The following SLC44A5 variants were observed in gnomAD, a reference collection of about 807,000 sequenced individuals.
SLC44A5 encodes the protein solute carrier family 44 member 5, also known as choline transporter-like protein 5.
SLC44A5 carries 57 observed loss-of-function variants against 101.8 expected under a neutral mutation model. The observed-to-expected ratio is 0.56, with a 90% CI of 0.45 to 0.70. The LOEUF is 0.70. Ranked by LOEUF, SLC44A5 falls within the 30% of genes least tolerant of loss-of-function variation. SLC44A5 has a pLI of 0.00. For missense variants in SLC44A5, 737 were observed against 853.1 expected, an observed-to-expected ratio of 0.86 and a Z score of 1.70; for synonymous variants, 281 against 290.9, an observed-to-expected ratio of 0.97 and a Z score of 0.35.
chr1:75,677,361 C>T, the SLC44A5 span, among the ~76,000 whole-genome samples: 1 of 152,112 alleles, frequency 6.6e-6, no homozygotes, highest in Non-Finnish European at 1.5e-5. Context: ...TTTGTTTTCT[C>T]TTTGCTTGTT....
the SLC44A5 span, among the ~76,000 whole-genome samples, chr1:75,679,277 C>G: frequency 1.3e-5 from 2 of 152,120 alleles, no homozygotes; most frequent in African/African-American, 4.8e-5. Flanking sequence ...CAAAGATACT[C>G]CTCGAGAAGA....
rs1313873082 is a variant in SLC44A5, at chr1:75,503,534, T to C, written c.13+37901A>G. Among the ~76,000 whole-genome samples the C allele has an allele frequency of 3.3e-5, 5 of 152,182 alleles. No homozygotes were observed. In the East Asian group the frequency reaches 7.7e-4, roughly 23 times the overall value. ...GAGGCGTCCCCAGTCATGCCTCCTA[T>C]ACAGCCTGTGGAACTATGTGTCAAT... is the stretch of plus-strand genomic sequence containing the variant. On this transcript the variant is annotated intron_variant, in intron 2 of 23. Transcript: ENST00000370859.
At chr1:75,269,737 T>G (rs976790150) in intron 6 of SLC44A5, among the ~76,000 whole-genome samples, 4 of 152,196 alleles carry the variant, frequency 2.6e-5, no homozygotes, top group Non-Finnish European at 4.4e-5. Flanking sequence ...TTCTGTCTGG[T>G]TTTATGATAG....
At chr1:75,467,889 A>C (rs1666908017) in intron 2 of SLC44A5, among the ~76,000 whole-genome samples, 1 of 147,988 alleles carries the variant, frequency 6.8e-6, no homozygotes, top group South Asian at 2.2e-4. Context: ...CAAAGTGAAG[A>C]GACAACTCAC....
chr1:75,665,363 C>T, the SLC44A5 span, among the ~76,000 whole-genome samples: 1 of 152,012 alleles, frequency 6.6e-6, no homozygotes, highest in Non-Finnish European at 1.5e-5. Flanking sequence ...AAAGAACTCT[C>T]TATTCAATAA....
At position 75,540,295 on chromosome 1, in the gene SLC44A5, A is replaced by T. The variant is rs560210403; in HGVS notation, c.13+1140T>A. Among the ~76,000 whole-genome samples, 136 of 152,304 alleles carry T rather than the reference A, an allele frequency of 8.9e-4. No homozygotes were observed. The Middle Eastern group carries it at 0.01, about 11-fold the overall frequency. Reference sequence around the variant, plus strand: ...GCAAACAAATCTAAAATTCTAAAACAATCTGCTATAGGCGAGAGTATGTTA... The same window carrying T: ...GCAAACAAATCTAAAATTCTAAAACTATCTGCTATAGGCGAGAGTATGTTA... On this transcript the variant is annotated intron_variant, in intron 2 of 23. Transcript: ENST00000370859.
intron 3 of SLC44A5, among the ~76,000 whole-genome samples, chr1:75,386,653 C>T (rs1661373785): frequency 6.6e-6 from 1 of 152,192 alleles, no homozygotes; most frequent in East Asian, 1.9e-4. Flanking sequence ...TTTACAGATT[C>T]AATGCCATCC....
chr1:75,251,842 C>T (rs543410177), intron 6 of SLC44A5, among the ~76,000 whole-genome samples: 8 of 152,076 alleles, frequency 5.3e-5, no homozygotes, highest in Non-Finnish European at 1.2e-4. Context: ...AAAATTATAG[C>T]CAGTGGCAGA....
chr1:75,239,436 A>G (rs1000757244), intron 9 of SLC44A5, among the ~76,000 whole-genome samples: 2 of 149,358 alleles, frequency 1.3e-5, no homozygotes, highest in Non-Finnish European at 2.9e-5. Flanking sequence ...ACTGAATTGC[A>G]CAGTTTCATA....
chr1:75,579,499 T>C (rs1447098511), intron 1 of SLC44A5, among the ~76,000 whole-genome samples: 4 of 151,948 alleles, frequency 2.6e-5, no homozygotes, highest in Admixed American at 6.6e-5. Flanking sequence ...GAATAAGTTA[T>C]AGGTCCCTAA....
At chr1:75,471,909 A>T (rs1202010052) in intron 2 of SLC44A5, among the ~76,000 whole-genome samples, 1 of 151,698 alleles carries the variant, frequency 6.6e-6, no homozygotes, top group Non-Finnish European at 1.5e-5. Context: ...TTATAATGCC[A>T]CTTCCTGGTT....
At chr1:75,545,264 A>G (rs1441696535) in intron 1 of SLC44A5, among the ~76,000 whole-genome samples, 4 of 152,102 alleles carry the variant, frequency 2.6e-5, no homozygotes, top group Non-Finnish European at 5.9e-5. Context: ...TCGTTGATAG[A>G]CATTTGGGTT....
At chr1:75,555,398 C>A (rs528857512) in intron 1 of SLC44A5, among the ~76,000 whole-genome samples, 42 of 152,020 alleles carry the variant, frequency 2.8e-4, no homozygotes, top group African/African-American at 9.6e-4. Context: ...GACCTGTACA[C>A]TTTGAATATG....
At chr1:75,280,133 T>C (rs1652290933) in intron 5 of SLC44A5, among the ~76,000 whole-genome samples, 1 of 95,518 alleles carries the variant, frequency 1.0e-5, no homozygotes, top group Admixed American at 1.8e-4. Flanking sequence ...TGTGTGTGTG[T>C]ATATATATAT....
chr1:75,524,958 T>C (rs1466144819), intron 2 of SLC44A5, among the ~76,000 whole-genome samples: 1 of 152,152 alleles, frequency 6.6e-6, no homozygotes, highest in Admixed American at 6.5e-5. Context: ...TTTTAAATTA[T>C]AAATATATCC....
At chr1:75,683,345 T>C in the SLC44A5 span, among the ~76,000 whole-genome samples, 5 of 152,098 alleles carry the variant, frequency 3.3e-5, no homozygotes, top group African/African-American at 1.2e-4. Context: ...AGCAAAGACT[T>C]GGAACTAACC....
At chr1:75,348,222 T>A (rs1239488594) in intron 3 of SLC44A5, among the ~76,000 whole-genome samples, 1 of 151,978 alleles carries the variant, frequency 6.6e-6, no homozygotes, top group African/African-American at 2.4e-5. Context: ...TTAAAGAATA[T>A]CTTAAAAGCA....
chr1:75,428,768 A>G (rs17584397), intron 2 of SLC44A5, among the ~76,000 whole-genome samples: 14,217 of 152,240 alleles, frequency 0.093, 842 homozygotes, highest in Admixed American at 0.19. Context: ...TCATAAGAGT[A>G]TGGCAAAGTA....
At chr1:75,554,251 C>T (rs1003219474) in intron 1 of SLC44A5, among the ~76,000 whole-genome samples, 17 of 151,806 alleles carry the variant, frequency 1.1e-4, no homozygotes, top group Non-Finnish European at 1.6e-4. Context: ...CCAAGGCAGG[C>T]GAATCATTTG....
Sources: gnomAD v4.1 joint callset for allele counts (sites outside exome capture counted in the v4.1 genomes callset) on GRCh38, gnomAD v4.1.1 for gene constraint, MANE v1.5 for transcripts, NCBI Gene and HGNC (gene_info 2026-07-23, HGNC 2026-07-21) for gene names.